The following EDIL3 variants were observed in gnomAD, a reference collection of about 807,000 sequenced individuals.
The protein encoded by EDIL3 is EGF like and discoidin domains 3.
In EDIL3, 37 loss-of-function variants were observed where a neutral mutation model predicts 67.4. That is an observed-to-expected ratio of 0.55 (90% CI 0.42 to 0.72). The LOEUF (loss-of-function observed/expected upper bound fraction) is 0.72. EDIL3 is among the 30% of genes least tolerant of loss of function. The pLI is 0.00. For missense variants in EDIL3, 527 were observed against 586.3 expected (o/e 0.90, Z 1.04); for synonymous variants, 195 against 196.3 (o/e 0.99, Z 0.05).
intron 3 of EDIL3, among the ~76,000 whole-genome samples, chr5:84,199,717 C>T (rs529629727): frequency 1.3e-5 from 2 of 152,022 alleles, no homozygotes; most frequent in South Asian, 2.1e-4. Context: ...TCAAATCTCC[C>T]GTAAACATTT....
chr5:84,075,269 C>T (rs1197110745), intron 6 of EDIL3, among the ~76,000 whole-genome samples: 1 of 151,864 alleles, frequency 6.6e-6, no homozygotes. Context: ...TTAATGGGTG[C>T]AGCACACCAG....
intron 3 of EDIL3, among the ~76,000 whole-genome samples, chr5:84,193,828 C>T (rs150541287): frequency 6.6e-6 from 1 of 151,946 alleles, no homozygotes; most frequent in African/African-American, 2.4e-5. Flanking sequence ...TATGTAACAC[C>T]TCTCTGTTTT....
rs573725626 is a variant in EDIL3, at chr5:84,091,879, T to G, written c.651+14770A>C. On this transcript the variant is annotated intron_variant, in intron 6 of 10. Coordinates refer to ENST00000296591, the MANE Select transcript of EDIL3 (RefSeq NM_005711.5). ...TGAGAATCTAATTCATAAATAGCAT[T>G]TCCCATAGGCAGGTCTCATAAGCAA... Among the ~76,000 whole-genome samples, 9 of 152,330 alleles carry G rather than the reference T, an allele frequency of 5.9e-5. 1 individual carries two copies. The East Asian group carries it at 1.5e-3, about 26-fold the overall frequency.
rs557146127 is a variant in EDIL3, at chr5:84,177,812, T to C, written c.355+2581A>G. Among the ~76,000 whole-genome samples, 15 of 152,262 alleles carry C rather than the reference T, an allele frequency of 9.9e-5. 1 individual carries two copies. The highest frequency in any genetic ancestry group is 7.2e-4 in the Admixed American group (11 of 15,278). Reference sequence around the variant, plus strand: ...ATAATGCCGATGCTGGAAATAATTTTTCCAATTTGTCACATATTGATAAAA... The same window carrying C: ...ATAATGCCGATGCTGGAAATAATTTCTCCAATTTGTCACATATTGATAAAA... On this transcript the variant is annotated intron_variant, in intron 4 of 10. Transcript: ENST00000296591.
intron 3 of EDIL3, among the ~76,000 whole-genome samples, chr5:84,222,613 G>T (rs2112401725): frequency 6.6e-6 from 1 of 151,864 alleles, no homozygotes; most frequent in East Asian, 1.9e-4. Flanking sequence ...AATATATGAA[G>T]AACAGTATGG....
At chr5:84,205,445 A>G (rs969139612) in intron 3 of EDIL3, among the ~76,000 whole-genome samples, 1 of 152,220 alleles carries the variant, frequency 6.6e-6, no homozygotes, top group Admixed American at 6.5e-5. Context: ...TGACAGAAGT[A>G]ATATGAAATG....
In EDIL3 at chr5:84,319,334, G is replaced by A. The variant is rs1166248408; in HGVS notation, c.67+64974C>T. Among the ~76,000 whole-genome samples the A allele has an allele frequency of 6.3e-5, 7 of 111,244 alleles. 3 individuals are homozygous for A. The highest frequency in any genetic ancestry group is 1.4e-4 in the Non-Finnish European group (7 of 49,654). 73.0% of individuals were successfully genotyped at this position (111,244 alleles called of 152,430 possible). A position where few individuals can be genotyped will look rare whatever the true frequency, so the allele number is the denominator to read the frequency against. Reference sequence around the variant, plus strand: ...AAAAAATTAGCCGGGCGCAGTGGCGGGCGCCTGTAGTCCCAGCTACTCGGG... The same window carrying A: ...AAAAAATTAGCCGGGCGCAGTGGCGAGCGCCTGTAGTCCCAGCTACTCGGG... On this transcript the variant is annotated intron_variant, in intron 1 of 10. Transcript: ENST00000296591.
chr5:84,198,202 T>C (rs1743753282), intron 3 of EDIL3, among the ~76,000 whole-genome samples: 1 of 151,912 alleles, frequency 6.6e-6, no homozygotes, highest in African/African-American at 2.4e-5. Context: ...GATGATACCA[T>C]TAATGCAAGG....
At chr5:84,218,236 C>T (rs536934593) in intron 3 of EDIL3, among the ~76,000 whole-genome samples, 18 of 152,176 alleles carry the variant, frequency 1.2e-4, no homozygotes, top group Non-Finnish European at 1.5e-5. Context: ...ATTCTTATTT[C>T]TAATAAGATA....
chr5:84,198,273 A>G (rs1743756882), intron 3 of EDIL3, among the ~76,000 whole-genome samples: 1 of 151,924 alleles, frequency 6.6e-6, no homozygotes, highest in Non-Finnish European at 1.5e-5. Context: ...AAATGTGTGC[A>G]AGATAGTGCT....
At chr5:84,273,705 A>AT (rs1209205085) in intron 1 of EDIL3, among the ~76,000 whole-genome samples, 1 of 152,002 alleles carries the variant, frequency 6.6e-6, no homozygotes, top group African/African-American at 2.4e-5. Context: ...TTTAATGTCT[A>AT]TTTTCACTTC....
At chr5:84,015,342 G>A (rs1168142770) in intron 9 of EDIL3, among the ~76,000 whole-genome samples, 6 of 152,226 alleles carry the variant, frequency 3.9e-5, no homozygotes, top group South Asian at 4.1e-4. Flanking sequence ...AGGTGGCAGA[G>A]TTAGAAATGA....
At chr5:84,094,462 G>A (rs902204833) in intron 6 of EDIL3, among the ~76,000 whole-genome samples, 9 of 151,802 alleles carry the variant, frequency 5.9e-5, no homozygotes, top group African/African-American at 9.7e-5. Context: ...TATTAAAAAC[G>A]AATTAGATTG....
intron 1 of EDIL3, among the ~76,000 whole-genome samples, chr5:84,310,677 G>A (rs1183364155): frequency 6.6e-6 from 1 of 152,056 alleles, no homozygotes; most frequent in Non-Finnish European, 1.5e-5. Context: ...CTCACCCAGA[G>A]CCTCTGTCCT....
chr5:84,127,889 C>T (rs1747894454), intron 5 of EDIL3, among the ~76,000 whole-genome samples: 1 of 152,042 alleles, frequency 6.6e-6, no homozygotes, highest in South Asian at 2.1e-4. Context: ...ATCTTTGTTA[C>T]CAATGCTTTC....
At chr5:84,327,322 T>A (rs1034452852) in intron 1 of EDIL3, among the ~76,000 whole-genome samples, 2 of 151,480 alleles carry the variant, frequency 1.3e-5, no homozygotes, top group African/African-American at 2.4e-5. Flanking sequence ...ACCATTCTTT[T>A]AAAAAAAAAT....
At chr5:84,305,495 G>A (rs1042876610) in intron 1 of EDIL3, among the ~76,000 whole-genome samples, 6 of 152,190 alleles carry the variant, frequency 3.9e-5, no homozygotes, top group African/African-American at 1.4e-4. Context: ...AACGAAGCAA[G>A]TTTTCTCTAA....
intron 4 of EDIL3, among the ~76,000 whole-genome samples, chr5:84,176,148 G>GT (rs981808663): frequency 1.5e-5 from 2 of 129,372 alleles, no homozygotes; most frequent in African/African-American, 6.4e-5. Context: ...GTTTTTGATT[G>GT]TTTTTTTCTG....
chr5:84,069,034 T>C (rs1746690672), intron 6 of EDIL3, among the ~76,000 whole-genome samples: 1 of 152,220 alleles, frequency 6.6e-6, no homozygotes, highest in South Asian at 2.1e-4. Context: ...GTGATCTTAA[T>C]TTTATTCTCC....
Sources: gnomAD v4.1 joint callset for allele counts (sites outside exome capture counted in the v4.1 genomes callset) on GRCh38, gnomAD v4.1.1 for gene constraint, MANE v1.5 for transcripts, NCBI Gene and HGNC (gene_info 2026-07-23, HGNC 2026-07-21) for gene names.